The following ULK4 variants were observed in gnomAD, a reference collection of about 807,000 sequenced individuals.
ULK4 encodes the protein inactive serine/threonine-protein kinase ULK4.
Under a neutral mutation model 160.6 loss-of-function variants are expected in ULK4, and 133 were observed. The observed-to-expected ratio is 0.83, with a 90% CI of 0.72 to 0.96. The LOEUF is 0.96. ULK4 is among the 40% of genes least tolerant of loss of function. ULK4 has a pLI of 0.00. For synonymous variants in ULK4, 534 were observed against 539.8 expected, an observed-to-expected ratio of 0.99 and a Z score of 0.15; for missense variants, 1,580 against 1,499.5, an observed-to-expected ratio of 1.05 and a Z score of -0.89.
At chr3:41,916,124 C>T in intron 7 of ULK4, 72 bp from the exon 8 acceptor site, 1 of 950,024 alleles carries the variant, frequency 1.1e-6, no homozygotes, top group Non-Finnish European at 1.6e-6. Flanking sequence ...TTATCTCTTA[C>T]ATCAACATTT....
intron 35 of ULK4, among the ~76,000 whole-genome samples, chr3:41,338,257 G>C (rs1406247250): frequency 6.6e-6 from 1 of 152,184 alleles, no homozygotes; most frequent in African/African-American, 2.4e-5. Context: ...AAACAGGCAT[G>C]AGGAGGCTGC....
intron 31 of ULK4, among the ~76,000 whole-genome samples, chr3:41,567,359 G>T (rs1332489141): frequency 6.6e-6 from 1 of 151,384 alleles, no homozygotes; most frequent in African/African-American, 2.4e-5. Flanking sequence ...AGGGAAGCAA[G>T]GTTCAGAGGG....
intron 30 of ULK4, among the ~76,000 whole-genome samples, chr3:41,616,189 G>T (rs1352813159): frequency 1.3e-5 from 2 of 152,074 alleles, no homozygotes; most frequent in African/African-American, 4.8e-5. Flanking sequence ...CCAGTCACCT[G>T]GTAGACACTA....
chr3:41,438,060 G>A (rs1440053625), intron 34 of ULK4, among the ~76,000 whole-genome samples: 1 of 139,114 alleles, frequency 7.2e-6, no homozygotes, highest in Non-Finnish European at 1.5e-5. Context: ...TTTTCCAAAC[G>A]AAAATAACTT....
rs550273037 is a variant in ULK4, at chr3:41,678,861, C to T, written c.2978+2647G>A. Among the ~76,000 whole-genome samples, 134 of 152,196 alleles carry T rather than the reference C, an allele frequency of 8.8e-4. 3 individuals are homozygous for T. Among genetic ancestry groups the T allele is most frequent in the African/African-American group, 3.0e-3 (123 of 41,526 alleles). On this transcript the variant is annotated intron_variant, in intron 29 of 36. Transcript: ENST00000301831. ...AAATTGAAGTGGGTGCTATATAGTTCCCATGGACTCTAGAAACTTAATTCA... is the reference window on the plus strand; with the variant it reads ...AAATTGAAGTGGGTGCTATATAGTTTCCATGGACTCTAGAAACTTAATTCA...
At chr3:41,474,591 T>C (rs542477868) in intron 32 of ULK4, among the ~76,000 whole-genome samples, 3 of 151,918 alleles carry the variant, frequency 2.0e-5, no homozygotes, top group Non-Finnish European at 4.4e-5. Flanking sequence ...AGAGAAAATA[T>C]GTGCAAGCCA....
chr3:41,394,580 G>A (rs1221919547), intron 35 of ULK4, among the ~76,000 whole-genome samples: 4 of 152,020 alleles, frequency 2.6e-5, no homozygotes, highest in African/African-American at 4.8e-5. Context: ...GATCATATTG[G>A]AAGTGAAAAA....
chr3:41,889,053 G>A (rs1239563130), intron 16 of ULK4, among the ~76,000 whole-genome samples: 2 of 151,786 alleles, frequency 1.3e-5, no homozygotes, highest in Non-Finnish European at 2.9e-5. Flanking sequence ...AGATCACCAG[G>A]CATTTGAGAA....
chr3:41,362,914 C>T (rs2081176274), intron 35 of ULK4, among the ~76,000 whole-genome samples: 1 of 152,244 alleles, frequency 6.6e-6, no homozygotes, highest in African/African-American at 2.4e-5. Context: ...GAGCAGAGCC[C>T]TGATCTGGCT....
chr3:41,356,977 T>A (rs1188614552), intron 35 of ULK4, among the ~76,000 whole-genome samples: 2 of 152,150 alleles, frequency 1.3e-5, no homozygotes, highest in African/African-American at 4.8e-5. Flanking sequence ...AGGCAAAAGG[T>A]ATGATAGTGA....
chr3:41,525,861 C>T (rs915391308), intron 32 of ULK4, among the ~76,000 whole-genome samples: 10 of 152,158 alleles, frequency 6.6e-5, no homozygotes, highest in Non-Finnish European at 1.2e-4. Context: ...ATGACATCTC[C>T]GTCATTGTCT....
At chr3:41,343,212 T>C (rs1270194052) in intron 35 of ULK4, among the ~76,000 whole-genome samples, 1 of 146,498 alleles carries the variant, frequency 6.8e-6, no homozygotes, top group African/African-American at 2.5e-5. Context: ...GGTATTCAAA[T>C]AGGAAAAGAG....
chr3:41,690,655 C>A (rs1489295906), intron 27 of ULK4, among the ~76,000 whole-genome samples: 1 of 151,534 alleles, frequency 6.6e-6, no homozygotes, highest in Non-Finnish European at 1.5e-5. Flanking sequence ...AGCTACTCTG[C>A]TACCCCCATC....
intron 30 of ULK4, among the ~76,000 whole-genome samples, chr3:41,626,674 G>A (rs886222515): frequency 5.3e-5 from 8 of 151,894 alleles, no homozygotes; most frequent in African/African-American, 1.9e-4. Flanking sequence ...ACAGGCGCCC[G>A]CCACCATGTC....
intron 21 of ULK4, among the ~76,000 whole-genome samples, chr3:41,780,619 A>C (rs2039808117): frequency 6.6e-6 from 1 of 152,146 alleles, no homozygotes; most frequent in Non-Finnish European, 1.5e-5. Context: ...AGAGAGCCAC[A>C]CTGGGTAGGT....
At chr3:41,741,029 T>C (rs1390810138) in intron 22 of ULK4, among the ~76,000 whole-genome samples, 1 of 152,004 alleles carries the variant, frequency 6.6e-6, no homozygotes, top group Non-Finnish European at 1.5e-5. Flanking sequence ...CTAAATTTAA[T>C]CTAAAAGTCT....
intron 18 of ULK4, among the ~76,000 whole-genome samples, chr3:41,827,730 G>A (rs565362958): frequency 3.9e-4 from 59 of 152,226 alleles, no homozygotes; most frequent in Non-Finnish European, 7.5e-4. Context: ...ACAAGGAGGA[G>A]CTGGTACCAT....
chr3:41,715,312 T>C lies in ULK4; in HGVS notation c.2578-19A>G, dbSNP rs761010374. On this transcript the variant is annotated intron_variant, in intron 24 of 36. Coordinates refer to ENST00000301831, the MANE Select transcript of ULK4 (RefSeq NM_017886.4). ...GAAATACCTGTGTGATGAGAGTTTC[T>C]ACAGATTAAATTCTGGAAGCTATGT... is the stretch of plus-strand genomic sequence containing the variant. 9 of 1,613,212 alleles carry C rather than the reference T, an allele frequency of 5.6e-6. No individual in the cohort carries two copies. In the African/African-American group the frequency reaches 6.7e-5, roughly 12 times the overall value.
At chr3:41,610,969 C>G (rs2032647015) in intron 31 of ULK4, among the ~76,000 whole-genome samples, 1 of 152,186 alleles carries the variant, frequency 6.6e-6, no homozygotes, top group African/African-American at 2.4e-5. Flanking sequence ...ACTCCAAAGG[C>G]TGATACATCC....
Sources: allele counts gnomAD v4.1 joint callset (sites outside exome capture counted in the v4.1 genomes callset), GRCh38; gene constraint gnomAD v4.1.1; transcripts MANE v1.5; gene names NCBI Gene and HGNC (gene_info 2026-07-23, HGNC 2026-07-21).